ETFA: variants seen among roughly 807,000 people sequenced by gnomAD.
ETFA encodes electron transfer flavoprotein subunit alpha, also known as electron transfer flavoprotein subunit alpha, mitochondrial.
ETFA carries 22 observed loss-of-function variants against 46.2 expected under a neutral mutation model. That is an observed-to-expected ratio of 0.48 (90% confidence interval 0.34 to 0.68). The LOEUF is 0.68. Among genes scored for constraint, ETFA ranks in the 30% least tolerant of loss-of-function variants. ETFA has a pLI of 0.01. For missense variants in ETFA, 345 were observed against 401.1 expected, an observed-to-expected ratio of 0.86 and a Z score of 1.19; for synonymous variants, 131 against 139.9, an observed-to-expected ratio of 0.94 and a Z score of 0.45.
chr15:76,304,256 A>G (rs2141554829), intron 1 of ETFA, among the ~76,000 whole-genome samples: 1 of 152,324 alleles, frequency 6.6e-6, no homozygotes, highest in South Asian at 2.1e-4. Flanking sequence ...CTATGGATAC[A>G]AAGAAGGGAA....
intron 9 of ETFA, among the ~76,000 whole-genome samples, chr15:76,266,228 A>T (rs183321067): frequency 2.0e-5 from 3 of 152,086 alleles, no homozygotes; most frequent in Non-Finnish European, 4.4e-5. Context: ...GATCTAAAGG[A>T]TTGCTTTTTT....
intron 1 of ETFA, among the ~76,000 whole-genome samples, chr15:76,307,644 G>A (rs753449023): frequency 4.6e-5 from 7 of 150,552 alleles, no homozygotes; most frequent in African/African-American, 7.4e-5. Context: ...GAACCATGGC[G>A]CCTGGCTAAT....
intron 9 of ETFA, among the ~76,000 whole-genome samples, chr15:76,240,336 T>C (rs2039172203): frequency 6.6e-6 from 1 of 152,228 alleles, no homozygotes; most frequent in African/African-American, 2.4e-5. Flanking sequence ...TTCTTTGAAA[T>C]CTTAAATTCA....
At chr15:76,229,285 A>G (rs1036179336) in intron 10 of ETFA, among the ~76,000 whole-genome samples, 3 of 152,220 alleles carry the variant, frequency 2.0e-5, no homozygotes, top group Non-Finnish European at 4.4e-5. Context: ...CAGTGACAAC[A>G]AGGGCTATAT....
intron 1 of ETFA, among the ~76,000 whole-genome samples, chr15:76,310,369 G>GAAAAAAAAAAAAAAAAAAAA (rs34111559): frequency 8.6e-5 from 9 of 104,440 alleles, no homozygotes; most frequent in East Asian, 2.5e-4. Flanking sequence ...TCCATGCCCA[G>GAAAAAAAAAAAAAAAAAAAA]AAAAAAAAAA....
At chr15:76,304,062 G>A (rs751406675) in intron 1 of ETFA, among the ~76,000 whole-genome samples, 8 of 152,150 alleles carry the variant, frequency 5.3e-5, no homozygotes, top group Non-Finnish European at 8.8e-5. Flanking sequence ...GGATGGACTG[G>A]GTAAAGAAAA....
rs182396110 is a variant in ETFA, at chr15:76,257,507, G to A, written c.816+16905C>T. Among the ~76,000 whole-genome samples the A allele has an allele frequency of 4.3e-4, 65 of 152,270 alleles. 1 individual carries two copies. In the East Asian group the frequency reaches 0.011, roughly 26 times the overall value. On this transcript the variant is annotated intron_variant, in intron 9 of 11. Coordinates refer to ENST00000557943, the MANE Select transcript of ETFA (RefSeq NM_000126.4). The stretch of plus-strand genomic sequence containing the variant: ...CAGTTAGAATGGCAATCATTAAAAA[G>A]TCAGGAAACAACAGGTGCTGGAGAG...
At chr15:76,304,762 C>T (rs952747305) in intron 1 of ETFA, among the ~76,000 whole-genome samples, 7 of 151,856 alleles carry the variant, frequency 4.6e-5, no homozygotes, top group African/African-American at 1.2e-4. Flanking sequence ...AGAAAATCCT[C>T]GGCCAGGAGC....
intron 10 of ETFA, chr15:76,231,082 G>A: frequency 6.4e-6 from 3 of 469,180 alleles, no homozygotes; most frequent in Non-Finnish European, 1.2e-5. Flanking sequence ...TTTGCAGACA[G>A]CACTCATCAT....
chr15:76,256,222 C>A (rs1380755703), intron 9 of ETFA, among the ~76,000 whole-genome samples: 2 of 145,662 alleles, frequency 1.4e-5, no homozygotes, highest in Non-Finnish European at 3.0e-5. Context: ...GGTGCCACTG[C>A]ACTCCAGCCT....
chr15:76,293,113 G>T (rs897167702), intron 2 of ETFA, among the ~76,000 whole-genome samples: 27 of 152,076 alleles, frequency 1.8e-4, no homozygotes, highest in African/African-American at 6.5e-4. Flanking sequence ...CTCCAGACTG[G>T]GCGAAAGAGT....
chr15:76,259,328 T>G (rs1057119502), intron 9 of ETFA: 2 of 1,479,996 alleles, frequency 1.4e-6, no homozygotes, highest in African/African-American at 2.7e-5. Context: ...AAGTAAAGCT[T>G]GGGCGCTGCT....
intron 5 of ETFA, 196 bp downstream of exon 5, chr15:76,287,650 T>C: frequency 1.9e-6 from 1 of 523,662 alleles, no homozygotes; most frequent in Non-Finnish European, 3.5e-6. Context: ...AGGAAATCTC[T>C]GTGTTTGCGA....
At chr15:76,227,621 A>G (rs1359399753) in intron 10 of ETFA, 3 of 353,090 alleles carry the variant, frequency 8.5e-6, no homozygotes, top group East Asian at 7.3e-5. Context: ...TTCTAACACC[A>G]CTGCAGTTAG....
chr15:76,295,783 A>AC, intron 1 of ETFA, 46 bp from the exon 2 acceptor site: 1 of 1,407,280 alleles, frequency 7.1e-7, no homozygotes, highest in African/African-American at 1.6e-5. Context: ...ATGTTGTCAC[A>AC]GGGTTTTTTT....
intron 9 of ETFA, among the ~76,000 whole-genome samples, chr15:76,252,810 T>C (rs2039311466): frequency 6.6e-6 from 1 of 151,906 alleles, no homozygotes; most frequent in African/African-American, 2.4e-5. Context: ...AAATACATAC[T>C]GAGGTCTTTA....
chr15:76,227,586 A>T (rs2039017388), intron 10 of ETFA: 1 of 319,208 alleles, frequency 3.1e-6, no homozygotes, highest in African/African-American at 2.2e-5. Flanking sequence ...ATCAGTACAA[A>T]TAGTTTGGTA....
chr15:76,259,721 CCT>C (rs2039384396), intron 9 of ETFA: 1 of 1,309,618 alleles, frequency 7.6e-7, no homozygotes, highest in Non-Finnish European at 1.1e-6. Flanking sequence ...GGTCATGTCC[CCT>C]GCCAGCATGC....
At chr15:76,246,526 C>T (rs1290109439) in intron 9 of ETFA, among the ~76,000 whole-genome samples, 1 of 152,192 alleles carries the variant, frequency 6.6e-6, no homozygotes, top group East Asian at 1.9e-4. Flanking sequence ...AATGCCACAG[C>T]TAACACAATA....
Sources: allele counts gnomAD v4.1 joint callset (sites outside exome capture counted in the v4.1 genomes callset), GRCh38; gene constraint gnomAD v4.1.1; transcripts MANE v1.5; gene names NCBI Gene and HGNC (gene_info 2026-07-23, HGNC 2026-07-21).